Variants in DAG1 observed in about 807,000 individuals in gnomAD.
DAG1 encodes dystroglycan 1, also known as dystroglycan 1 (dystrophin-associated glycoprotein 1).
In DAG1, 8 loss-of-function variants were observed where a neutral mutation model predicts 46.1. The observed-to-expected ratio is 0.17, with a 90% CI of 0.10 to 0.31. The LOEUF (loss-of-function observed/expected upper bound fraction) is 0.31, where lower values mean the gene tolerates loss of function less well. Ranked by LOEUF, DAG1 falls within the 10% of genes least tolerant of loss-of-function variation. The pLI, the probability that DAG1 is intolerant of heterozygous loss-of-function variation, is 1.00. For synonymous variants in DAG1, 495 were observed against 481.8 expected, an observed-to-expected ratio of 1.03 and a Z score of -0.36; for missense variants, 1,003 against 1,189.9, an observed-to-expected ratio of 0.84 and a Z score of 2.31.
chr3:49,511,427 CTCTG>C (rs1484818215), intron 2 of DAG1, among the ~76,000 whole-genome samples: 3 of 152,304 alleles, frequency 2.0e-5, no homozygotes, highest in African/African-American at 7.2e-5. Flanking sequence ...AGCACCATCT[CTCTG>C]TCTGAGTTTG....
At chr3:49,505,921 C>T (rs1301104839) in intron 1 of DAG1, among the ~76,000 whole-genome samples, 7 of 150,954 alleles carry the variant, frequency 4.6e-5, no homozygotes, top group African/African-American at 9.8e-5. Context: ...CCACCTGCCT[C>T]GGCCCCCCAA....
At chr3:49,484,799 T>A (rs186421252) in intron 1 of DAG1, among the ~76,000 whole-genome samples, 1,714 of 146,698 alleles carry the variant, frequency 0.012, 31 homozygotes, top group African/African-American at 0.041. Context: ...CATTGCTGCT[T>A]TTTTTTTTTT....
intron 1 of DAG1, among the ~76,000 whole-genome samples, chr3:49,471,998 A>G (rs1459144487): frequency 6.6e-6 from 1 of 152,186 alleles, no homozygotes; most frequent in East Asian, 1.9e-4. Context: ...AGGGAACCAC[A>G]TGTACATGAG....
At chr3:49,503,049 A>G (rs1221631681) in intron 1 of DAG1, among the ~76,000 whole-genome samples, 1 of 152,146 alleles carries the variant, frequency 6.6e-6, no homozygotes, top group Non-Finnish European at 1.5e-5. Context: ...GTACATGGAC[A>G]TTAGGATTGT....
intron 1 of DAG1, among the ~76,000 whole-genome samples, chr3:49,491,529 G>A (rs1215671127): frequency 6.6e-6 from 1 of 151,004 alleles, no homozygotes; most frequent in Non-Finnish European, 1.5e-5. Context: ...CCAGGCTGGA[G>A]TGCAGTGGCG....
intron 2 of DAG1, among the ~76,000 whole-genome samples, chr3:49,526,815 A>C (rs1255363658): frequency 6.6e-6 from 1 of 152,248 alleles, no homozygotes; most frequent in Non-Finnish European, 1.5e-5. Flanking sequence ...TCCCAATTTG[A>C]AATTGAGCAT....
At chr3:49,486,963 C>T (rs1409485985) in intron 1 of DAG1, among the ~76,000 whole-genome samples, 1 of 152,148 alleles carries the variant, frequency 6.6e-6, no homozygotes, top group Non-Finnish European at 1.5e-5. Context: ...GATCTTGGCT[C>T]ACTGGATCCT....
chr3:49,532,562 A>T lies in DAG1; in HGVS notation c.2051A>T (p.Asp684Val). ...IAGLSRRIAE[D>V]DGKPRPAFSN... The stretch of plus-strand genomic sequence containing the variant: ...GGGCTGAGCCGCCGGATCGCTGAGG[A>T]TGATGGAAAACCTCGGCCTGCCTTC... Residue 684 changes from aspartate (D) to valine (V), a missense_variant, in exon 3 of 3, where the codon GAT becomes GTT. This residue lies in a region of DAG1 where 755 missense variants were observed against 854.1 expected (regional missense o/e 0.88). Coordinates refer to ENST00000308775, the MANE Select transcript of DAG1 (RefSeq NM_004393.6). The surrounding 1 kb of genome is among the most constrained non-coding windows in gnomAD (Gnocchi z 5.4). 1 of 1,612,690 alleles carries T rather than the reference A, an allele frequency of 6.2e-7. No homozygotes were observed. The highest frequency in any genetic ancestry group is 8.5e-7 in the Non-Finnish European group (1 of 1,178,868).
chr3:49,495,915 C>T (rs62261185), intron 1 of DAG1, among the ~76,000 whole-genome samples: 62,308 of 151,020 alleles, frequency 0.41, 14,588 homozygotes, highest in East Asian at 0.93. Flanking sequence ...AGCGAGACTC[C>T]GTCTCAAAAA....
At position 49,531,880 on chromosome 3, in the gene DAG1, C is replaced by T. The variant is rs544574838; in HGVS notation, c.1369C>T (p.Arg457Trp). The T allele has an allele frequency of 2.0e-5, 33 of 1,614,130 alleles. 1 individual carries two copies. The highest frequency in any genetic ancestry group is 1.6e-4 in the Middle Eastern group (1 of 6,062). The stretch of plus-strand genomic sequence containing the variant: ...GCCAACCAAGAAACCACGGACACCC[C>T]GGCCAGTGCCCCGGGTCACCACCAA... ...RRPTKKPRTP[R>W]PVPRVTTKVS... The change falls in exon 3 of 3, where the codon CGG (arginine) becomes TGG (tryptophan). Residue 457 changes from arginine (R) to tryptophan (W), a missense_variant. By Grantham distance (101) the Arg-to-Trp change is moderately radical (BLOSUM62 -3). This residue lies in a region of DAG1 where 755 missense variants were observed against 854.1 expected (regional missense o/e 0.88). Coordinates refer to ENST00000308775, the MANE Select transcript of DAG1 (RefSeq NM_004393.6). This position sits in a 1 kb window ranked among gnomAD's most constrained non-coding sequence, Gnocchi z 7.0.
intron 1 of DAG1, among the ~76,000 whole-genome samples, chr3:49,501,856 G>A (rs866500165): frequency 2.0e-5 from 3 of 151,140 alleles, no homozygotes; most frequent in Non-Finnish European, 3.0e-5. Flanking sequence ...AAAGGAAAAG[G>A]CCAGTAAAGA....
intron 2 of DAG1, among the ~76,000 whole-genome samples, chr3:49,517,589 C>T (rs1365180591): frequency 1.3e-5 from 2 of 152,128 alleles, no homozygotes; most frequent in African/African-American, 2.4e-5. Context: ...AGAAGCTGAC[C>T]TATCATTGGG....
chr3:49,503,903 A>C (rs1339919429), intron 1 of DAG1, among the ~76,000 whole-genome samples: 1 of 152,140 alleles, frequency 6.6e-6, no homozygotes, highest in Non-Finnish European at 1.5e-5. Flanking sequence ...TTTAAAATTC[A>C]AATTCAAATT....
chr3:49,475,406 CTT>C (rs11320656), intron 1 of DAG1, among the ~76,000 whole-genome samples: 46 of 124,432 alleles, frequency 3.7e-4, no homozygotes, highest in Admixed American at 7.7e-4. Context: ...ACCTGGCCAG[CTT>C]TTTTTTTTTT....
intron 2 of DAG1, among the ~76,000 whole-genome samples, chr3:49,527,295 C>T (rs1032978179): frequency 3.3e-5 from 5 of 150,922 alleles, no homozygotes; most frequent in East Asian, 2.0e-4. Flanking sequence ...GAGGCCAAGG[C>T]GGGCGGATCA....
chr3:49,487,938 G>A (rs553539730), intron 1 of DAG1, among the ~76,000 whole-genome samples: 2 of 152,000 alleles, frequency 1.3e-5, no homozygotes, highest in South Asian at 2.1e-4. Context: ...TCCTGACCTC[G>A]TGATCTGCCC....
intron 1 of DAG1, among the ~76,000 whole-genome samples, chr3:49,501,572 G>A (rs1303841768): frequency 6.6e-6 from 1 of 152,188 alleles, no homozygotes; most frequent in East Asian, 1.9e-4. Flanking sequence ...AGCACTTTGG[G>A]AGGCCGAGGT....
Position 49,532,610 on chromosome 3 carries a change from T to C in DAG1, c.2099T>C (p.Phe700Ser). The change falls in exon 3 of 3, where the codon TTT becomes TCT. Residue 700 changes from phenylalanine (F) to serine (S), a missense_variant. Physicochemically the swap from Phe to Ser is radical, Grantham distance 155. Coordinates refer to ENST00000308775, the MANE Select transcript of DAG1 (RefSeq NM_004393.6). The surrounding 1 kb of genome is among the most constrained non-coding windows in gnomAD (Gnocchi z 5.4). Reference sequence around the variant, plus strand: ...TTCTCCAACGCCCTAGAGCCTGACTTTAAGGCCACAAGCATCACTGTGACG... The same window carrying C: ...TTCTCCAACGCCCTAGAGCCTGACTCTAAGGCCACAAGCATCACTGTGACG... ...PAFSNALEPDFKATSITVTGS... is the reference protein window; with the variant it reads ...PAFSNALEPDSKATSITVTGS... 1 of 1,612,974 alleles carries C rather than the reference T, an allele frequency of 6.2e-7. No individual in the cohort carries two copies. Among genetic ancestry groups the C allele is most frequent in the South Asian group, 1.1e-5 (1 of 91,076 alleles).
intron 2 of DAG1, among the ~76,000 whole-genome samples, chr3:49,512,030 C>A (rs1355089191): frequency 1.3e-5 from 2 of 151,964 alleles, no homozygotes; most frequent in East Asian, 3.9e-4. Flanking sequence ...AAGAAATATT[C>A]TTTTACAATT....
Sources: gnomAD v4.1 joint callset for allele counts (sites outside exome capture counted in the v4.1 genomes callset) on GRCh38, gnomAD v4.1.1 for gene constraint, gnomAD v4.1.1 regional missense constraint, Gnocchi (gnomAD v3.1) non-coding constraint, MANE v1.5 for transcripts, NCBI Gene and HGNC (gene_info 2026-07-23, HGNC 2026-07-21) for gene names.